Variants in RBM4 observed in about 807,000 individuals in gnomAD.
The protein encoded by RBM4 is RNA binding motif protein 4.
RBM4 carries 7 observed loss-of-function variants against 29.5 expected under a neutral mutation model. The observed-to-expected ratio is 0.24, with a 90% CI of 0.14 to 0.45. The LOEUF (loss-of-function observed/expected upper bound fraction) is 0.45. Ranked by LOEUF, RBM4 falls within the 20% of genes least tolerant of loss-of-function variation. RBM4 has a pLI of 1.00. For synonymous variants in RBM4, 220 were observed against 205.4 expected (o/e 1.07, Z -0.61); for missense variants, 387 against 502.3 (o/e 0.77, Z 2.19).
intron 2 of RBM4, among the ~76,000 whole-genome samples, chr11:66,661,430 C>T (rs1774000928): frequency 6.6e-6 from 1 of 152,148 alleles, no homozygotes; most frequent in Non-Finnish European, 1.5e-5. Flanking sequence ...CCTTTTTCTG[C>T]CCTTAGGACA....
At chr11:66,666,757 T>C (rs1406115423) in exon 3 of RBM4, 1 of 152,192 alleles carries the variant, frequency 6.6e-6, no homozygotes, top group East Asian at 1.9e-4. Context: ...TTTAAGATCA[T>C]TTGCTTCACA....
chr11:66,662,452 A>G (rs1939101727), intron 2 of RBM4, among the ~76,000 whole-genome samples: 1 of 151,700 alleles, frequency 6.6e-6, no homozygotes, highest in Admixed American at 6.6e-5. Context: ...CCCAGGCTGG[A>G]GTGCATTGGC....
Position 66,643,354 on chromosome 11 carries a change from G to C in RBM4, c.413-96G>C. Reference sequence around the variant, plus strand: ...TAAAGATGAGTCCTGCATTAGAATTGTCTAGATAAAGCCATTGCTATGACC... The same window carrying C: ...TAAAGATGAGTCCTGCATTAGAATTCTCTAGATAAAGCCATTGCTATGACC... On this transcript the variant is annotated intron_variant, in intron 2 of 3. Transcript: ENST00000310092. The surrounding 1 kb of genome is among the most constrained non-coding windows in gnomAD (Gnocchi z 6.1). The C allele has an allele frequency of 7.4e-7, 1 of 1,356,886 alleles. No homozygotes were observed. The highest frequency in any genetic ancestry group is 2.5e-5 in the East Asian group (1 of 40,518). The allele number at this position is 1,356,886 out of a possible 1,614,324, so 84.1% of individuals were successfully genotyped here.
At chr11:66,647,579 C>T (rs1401288786), downstream of RBM4, among the ~76,000 whole-genome samples, 2 of 152,068 alleles carry the variant, frequency 1.3e-5, no homozygotes, top group Admixed American at 6.6e-5. Context: ...ACTTTGGTTT[C>T]TTTTTCTCTA....
chr11:66,654,293 C>T (rs1025973921), intron 2 of RBM4, among the ~76,000 whole-genome samples: 1 of 151,704 alleles, frequency 6.6e-6, no homozygotes, highest in East Asian at 2.0e-4. Flanking sequence ...AAATCGAGAC[C>T]ATCCTGGCTA....
chr11:66,647,378 T>G (rs1042191722), downstream of RBM4, among the ~76,000 whole-genome samples: 6 of 152,270 alleles, frequency 3.9e-5, no homozygotes, highest in African/African-American at 1.2e-4. Flanking sequence ...TTAGATTCTT[T>G]CTAATCATAG....
chr11:66,647,323 C>T (rs186310811), downstream of RBM4, among the ~76,000 whole-genome samples: 362 of 152,224 alleles, frequency 2.4e-3, 1 homozygote, highest in Admixed American at 3.4e-3. Context: ...GTCTTTACTT[C>T]GATAGTTTCT....
exon 3 of RBM4, chr11:66,668,312 G>A (rs1939322145): frequency 1.7e-5 from 5 of 294,360 alleles, no homozygotes; most frequent in Non-Finnish European, 3.2e-5. Flanking sequence ...ACAAATGTTA[G>A]ATCTCTCAAA....
chr11:66,667,761 T>C (rs1228133584), exon 3 of RBM4: 1 of 151,702 alleles, frequency 6.6e-6, no homozygotes, highest in Non-Finnish European at 1.5e-5. Flanking sequence ...TGGAATACAG[T>C]GGTGTGATCA....
chr11:66,654,793 C>T (rs1938910679), intron 2 of RBM4, among the ~76,000 whole-genome samples: 2 of 150,766 alleles, frequency 1.3e-5, no homozygotes, highest in African/African-American at 4.9e-5. Context: ...GGTGGGATTA[C>T]AGGTGTGAGC....
At chr11:66,659,002 T>C (rs548248061) in intron 2 of RBM4, among the ~76,000 whole-genome samples, 86 of 151,386 alleles carry the variant, frequency 5.7e-4, no homozygotes, top group Non-Finnish European at 1.1e-3. Flanking sequence ...GAAATGGTCA[T>C]TTTTTTGCAC....
chr11:66,661,852 A>G (rs1939088676), intron 2 of RBM4, among the ~76,000 whole-genome samples: 1 of 152,172 alleles, frequency 6.6e-6, no homozygotes, highest in Non-Finnish European at 1.5e-5. Context: ...CAATATGGTG[A>G]AACCCCATCT....
At chr11:66,667,621 T>A (rs139194783) in exon 3 of RBM4, 9 of 152,168 alleles carry the variant, frequency 5.9e-5, no homozygotes, top group African/African-American at 2.2e-4. Flanking sequence ...CATTTAAAAT[T>A]TATAGGACTT....
downstream of RBM4, among the ~76,000 whole-genome samples, chr11:66,651,120 C>T (rs1938819486): frequency 6.6e-6 from 1 of 151,836 alleles, no homozygotes. Flanking sequence ...CTAAAGTAGA[C>T]TCGGGGGGGG....
In RBM4 at chr11:66,643,838, C is replaced by G. The variant is rs776113279; in HGVS notation, c.801C>G (p.Thr267=). Residue 267 remains threonine, a synonymous_variant, in exon 3 of 4, where the codon ACC becomes ACG. Transcript: ENST00000310092. This position sits in a 1 kb window ranked among gnomAD's most constrained non-coding sequence, Gnocchi z 6.1. The part of the protein sequence containing the change: ...NTAMASHLTS[T]SLDPYDRHLL... ...CCATGGCCAGTCACCTCACCTCCACCTCTCTCGATCCCTACGATAGACACC... is the reference window on the plus strand; with the variant it reads ...CCATGGCCAGTCACCTCACCTCCACGTCTCTCGATCCCTACGATAGACACC... 1 of 1,614,008 alleles carries G rather than the reference C, an allele frequency of 6.2e-7. No homozygotes were observed. The highest frequency in any genetic ancestry group is 1.1e-5 in the South Asian group (1 of 91,082).
Position 66,644,021 on chromosome 11 carries a change from G to A in RBM4, c.984G>A (p.Gly328=). ...CTGTTGGAGAGGGCTACGGTTACGGGCATGAGAGTGAGTTGTCCCAAGCTT... is the reference window on the plus strand; with the variant it reads ...CTGTTGGAGAGGGCTACGGTTACGGACATGAGAGTGAGTTGTCCCAAGCTT... ...VPTVGEGYGY[G]HESELSQASA... The change falls in exon 3 of 4, where the codon GGG becomes GGA. Residue 328 remains glycine, a synonymous_variant. Coordinates refer to ENST00000310092, the MANE Select transcript of RBM4 (RefSeq NM_002896.4). The A allele has an allele frequency of 1.2e-6, 2 of 1,613,770 alleles. No homozygotes were observed. The highest frequency in any genetic ancestry group is 1.7e-6 in the Non-Finnish European group (2 of 1,180,026).
At chr11:66,653,361 G>GT (rs1319154095) in intron 2 of RBM4, among the ~76,000 whole-genome samples, 6 of 75,728 alleles carry the variant, frequency 7.9e-5, no homozygotes, top group Non-Finnish European at 1.2e-4. Flanking sequence ...TCTACTTAAT[G>GT]ATTTTTTTTT....
chr11:66,640,191 AAGGAG>A (rs750200784), intron 2 of RBM4, 68 bp downstream of exon 2: 1 of 1,596,104 alleles, frequency 6.3e-7, no homozygotes, highest in Non-Finnish European at 8.6e-7. Context: ...GGATAAGTAA[AAGGAG>A]AGGTTTGGTA....
chr11:66,666,522 C>T (rs1397466060), exon 3 of RBM4: 15 of 863,924 alleles, frequency 1.7e-5, no homozygotes, highest in Non-Finnish European at 1.9e-5. Flanking sequence ...TAAAAGTCAT[C>T]GCTAAAAAGA....
Sources: gnomAD v4.1 joint callset for allele counts (sites outside exome capture counted in the v4.1 genomes callset) on GRCh38, gnomAD v4.1.1 for gene constraint, Gnocchi (gnomAD v3.1) non-coding constraint, MANE v1.5 for transcripts, NCBI Gene and HGNC (gene_info 2026-07-23, HGNC 2026-07-21) for gene names.